RERG: variants seen among roughly 807,000 people sequenced by gnomAD.
RERG encodes the protein RAS like estrogen regulated growth inhibitor, also known as ras-related and estrogen-regulated growth inhibitor.
In RERG, 25 loss-of-function variants were observed where a neutral mutation model predicts 23.2. The ratio of observed to expected loss-of-function variants is 1.08; its 90% CI spans 0.79 to 1.50. The LOEUF is 1.50. Among genes scored for constraint, RERG ranks in the 40% most tolerant of loss-of-function variants. The pLI is 0.00. For synonymous variants in RERG, 81 were observed against 89.1 expected (o/e 0.91, Z 0.51); for missense variants, 253 against 250.1 (o/e 1.01, Z -0.08).
chr12:15,136,629 A>G (rs1864148869), intron 2 of RERG, among the ~76,000 whole-genome samples: 1 of 151,982 alleles, frequency 6.6e-6, no homozygotes, highest in Non-Finnish European at 1.5e-5. Flanking sequence ...ATTATTTTAA[A>G]TTTCTCAAGA....
At chr12:15,191,330 A>G (rs1165928566) in intron 2 of RERG, among the ~76,000 whole-genome samples, 2 of 152,170 alleles carry the variant, frequency 1.3e-5, no homozygotes, top group Non-Finnish European at 2.9e-5. Flanking sequence ...GCAATCAAGC[A>G]TTAGCTTTTG....
chr12:15,196,724 T>G (rs947675871), intron 2 of RERG, among the ~76,000 whole-genome samples: 10 of 152,186 alleles, frequency 6.6e-5, no homozygotes, highest in African/African-American at 2.4e-4. Flanking sequence ...GATTCTACAA[T>G]TACTGTCAGT....
At chr12:15,166,913 C>T (rs1864703467) in intron 2 of RERG, among the ~76,000 whole-genome samples, 1 of 151,436 alleles carries the variant, frequency 6.6e-6, no homozygotes, top group Non-Finnish European at 1.5e-5. Context: ...AGGTTAGTTA[C>T]ATATGTATAC....
At chr12:15,127,238 T>C (rs1863964889) in intron 2 of RERG, among the ~76,000 whole-genome samples, 3 of 152,232 alleles carry the variant, frequency 2.0e-5, no homozygotes, top group Admixed American at 6.5e-5. Flanking sequence ...GCCTTGTTCA[T>C]CTTTATGTCC....
At chr12:15,127,752 T>C (rs533341779) in intron 2 of RERG, among the ~76,000 whole-genome samples, 7 of 152,362 alleles carry the variant, frequency 4.6e-5, no homozygotes, top group Admixed American at 3.3e-4. Context: ...TTAAAGTGTA[T>C]ATGCTTTTAG....
chr12:15,208,449 T>C (rs2136145769), intron 2 of RERG, among the ~76,000 whole-genome samples: 1 of 152,302 alleles, frequency 6.6e-6, no homozygotes, highest in Middle Eastern at 3.4e-3. Context: ...TTGATATAAT[T>C]TTAAAGCACG....
chr12:15,140,263 T>C (rs1864214797), intron 2 of RERG, among the ~76,000 whole-genome samples: 1 of 152,120 alleles, frequency 6.6e-6, no homozygotes, highest in Non-Finnish European at 1.5e-5. Context: ...ACTCTTTTTC[T>C]CCCATTTGGG....
intron 2 of RERG, among the ~76,000 whole-genome samples, chr12:15,188,853 T>C (rs759952712): frequency 5.3e-5 from 8 of 152,198 alleles, no homozygotes; most frequent in Non-Finnish European, 1.0e-4. Flanking sequence ...TTCTGTTCTC[T>C]ATGGGCAGTA....
At chr12:15,166,325 C>A (rs1220093755) in intron 2 of RERG, among the ~76,000 whole-genome samples, 5 of 152,170 alleles carry the variant, frequency 3.3e-5, no homozygotes, top group Non-Finnish European at 7.3e-5. Flanking sequence ...ATAATATTCA[C>A]ACAATTCATC....
At chr12:15,122,671 A>G (rs1376723102) in intron 2 of RERG, among the ~76,000 whole-genome samples, 3 of 152,156 alleles carry the variant, frequency 2.0e-5, no homozygotes, top group African/African-American at 7.2e-5. Flanking sequence ...TTATTTTTAC[A>G]TACAGGAAGC....
At chr12:15,199,193 C>T (rs1224106069) in intron 2 of RERG, among the ~76,000 whole-genome samples, 1 of 152,106 alleles carries the variant, frequency 6.6e-6, no homozygotes, top group African/African-American at 2.4e-5. Flanking sequence ...TCATCATCTA[C>T]CTTATATAAA....
At chr12:15,175,911 G>C (rs760568229) in intron 2 of RERG, among the ~76,000 whole-genome samples, 16 of 152,144 alleles carry the variant, frequency 1.1e-4, no homozygotes, top group South Asian at 8.3e-4. Context: ...GATTTTCCAG[G>C]CTACTGCAGA....
intron 2 of RERG, 53 bp downstream of exon 2, chr12:15,217,376 G>A: frequency 8.3e-7 from 1 of 1,207,880 alleles, no homozygotes; most frequent in Non-Finnish European, 1.2e-6. Flanking sequence ...CAGTAATAAA[G>A]AAACACACTC....
In RERG at chr12:15,108,608, C is replaced by T. The variant is rs1863541794; in HGVS notation, c.*502G>A. ...AACAAAATAAAATTTTAAAGAAAAC[C>T]TAGATGATATTAGATAATTCAGAAA... is the stretch of plus-strand genomic sequence containing the variant. On this transcript the variant is annotated 3_prime_UTR_variant, in exon 5 of 5. Coordinates refer to ENST00000256953, the MANE Select transcript of RERG (RefSeq NM_032918.3). The T allele has an allele frequency of 6.6e-6, 1 of 152,446 alleles. No individual in the cohort carries two copies. Among genetic ancestry groups the T allele is most frequent in the South Asian group, 2.1e-4 (1 of 4,830 alleles). The allele number at this position is 152,446 out of a possible 1,614,324, so 9.4% of individuals were successfully genotyped here.
chr12:15,127,022 T>C (rs1863960906), intron 2 of RERG, among the ~76,000 whole-genome samples: 1 of 152,160 alleles, frequency 6.6e-6, no homozygotes, highest in Non-Finnish European at 1.5e-5. Context: ...CCGGCCCAGA[T>C]AGCATTTCTA....
chr12:15,138,799 G>A (rs189932661), intron 2 of RERG, among the ~76,000 whole-genome samples: 1,841 of 151,930 alleles, frequency 0.012, 20 homozygotes, highest in Admixed American at 0.02. Flanking sequence ...TAACGTAACA[G>A]AAGTTTTAAA....
chr12:15,207,665 T>C (rs1319953862), intron 2 of RERG, among the ~76,000 whole-genome samples: 2 of 152,020 alleles, frequency 1.3e-5, no homozygotes, highest in Non-Finnish European at 2.9e-5. Flanking sequence ...TGGAGTGCAT[T>C]GTAGAGCGAA....
At chr12:15,158,717 G>A (rs1207768508) in intron 2 of RERG, among the ~76,000 whole-genome samples, 4 of 152,054 alleles carry the variant, frequency 2.6e-5, no homozygotes, top group East Asian at 1.9e-4. Flanking sequence ...AATTAGATTC[G>A]GATTAGGTAT....
At chr12:15,192,519 T>C (rs1865086360) in intron 2 of RERG, among the ~76,000 whole-genome samples, 1 of 152,180 alleles carries the variant, frequency 6.6e-6, no homozygotes, top group African/African-American at 2.4e-5. Flanking sequence ...ATATAAAAGT[T>C]ATGAAAATAG....
Sources: allele counts gnomAD v4.1 joint callset (sites outside exome capture counted in the v4.1 genomes callset), GRCh38; gene constraint gnomAD v4.1.1; transcripts MANE v1.5; gene names NCBI Gene and HGNC (gene_info 2026-07-23, HGNC 2026-07-21).